Variants in SMOX observed in about 807,000 individuals in gnomAD.
SMOX encodes spermine oxidase, also known as flavin containing amine oxidase.
A neutral mutation model predicts 51.0 loss-of-function variants in SMOX; 22 were observed. The ratio of observed to expected loss-of-function variants is 0.43; its 90% CI spans 0.31 to 0.62. SMOX has a LOEUF of 0.62. Ranked by LOEUF, SMOX falls within the 20% of genes least tolerant of loss-of-function variation. The probability of loss-of-function intolerance (pLI) is 0.10; values close to 1 mark genes in which losing one functional copy is unlikely to be tolerated. For synonymous variants in SMOX, 282 were observed against 307.8 expected (o/e 0.92, Z 0.88); for missense variants, 566 against 777.7 (o/e 0.73, Z 3.24).
In SMOX at chr20:4,182,269, A is replaced by G; in HGVS notation, c.790A>G (p.Ile264Val). 6.2e-7 allele frequency: 1 copy of G among 1,613,318 alleles called. No homozygotes were observed. Residue 264 changes from isoleucine to valine, a missense_variant, in exon 5 of 7, where the codon ATT becomes GTT. Transcript: ENST00000305958. The surrounding 1 kb of genome is among the most constrained non-coding windows in gnomAD (Gnocchi z 8.4). The stretch of plus-strand genomic sequence containing the variant: ...CCAGCTAGGGAAACCTGTCCGCTGC[A>G]TTCACTGGGACCAGGCCTCAGCCCG... Reference protein sequence around the residue: ...VIQLGKPVRCIHWDQASARPR... With the variant: ...VIQLGKPVRCVHWDQASARPR...
chr20:4,157,238 GGTT>G (rs1229738277), intron 1 of SMOX, among the ~76,000 whole-genome samples: 1 of 152,118 alleles, frequency 6.6e-6, no homozygotes, highest in Non-Finnish European at 1.5e-5. Context: ...AGGGTGGCTG[GGTT>G]GTTGTGACAC....
In SMOX at chr20:4,182,038, C is replaced by T. The variant is rs1425450160; in HGVS notation, c.610-51C>T. 1.9e-6 allele frequency: 3 copies of T among 1,592,734 alleles called. No individual in the cohort carries two copies. The highest frequency in any genetic ancestry group is 2.7e-5 in the African/African-American group (2 of 74,516). On this transcript the variant is annotated intron_variant, in intron 4 of 6. Transcript: ENST00000305958. The surrounding 1 kb of genome is among the most constrained non-coding windows in gnomAD (Gnocchi z 8.4). ...TCTGAGGAGGGCTACGCTGCTCCTA[C>T]CCCTGCCCAACCCCGGCGGTCACCT...
intron 3 of SMOX, among the ~76,000 whole-genome samples, chr20:4,178,677 T>C (rs980173032): frequency 1.3e-4 from 13 of 102,418 alleles, no homozygotes; most frequent in Non-Finnish European, 1.9e-4. Context: ...CTTTTCTTTC[T>C]TTCTTTCTTT....
At chr20:4,175,363 A>G in intron 2 of SMOX, 100 bp downstream of exon 2, 1 of 1,365,192 alleles carries the variant, frequency 7.3e-7, no homozygotes, top group South Asian at 1.4e-5. Flanking sequence ...CTTCTGGGAT[A>G]AATGTTCCAT....
At position 4,175,144 on chromosome 20, in the gene SMOX, T is replaced by C; in HGVS notation, c.89T>C (p.Ile30Thr). Residue 30 changes from isoleucine (I) to threonine (T), a missense_variant, in exon 2 of 7, where the codon ATC (isoleucine) becomes ACC (threonine). Around this residue, in one of 3 missense-constraint regions of SMOX, gnomAD observed 217 missense variants for 278.4 expected, o/e 0.78. Coordinates refer to ENST00000305958, the MANE Select transcript of SMOX (RefSeq NM_175839.3). ...RRRGQPRVVV[I>T]GAGLAGLAAA... Reference sequence around the variant, plus strand: ...AGGGGACAGCCTCGTGTGGTGGTGATCGGCGCCGGCTTGGCTGGCCTGGCT... The same window carrying C: ...AGGGGACAGCCTCGTGTGGTGGTGACCGGCGCCGGCTTGGCTGGCCTGGCT... The C allele has an allele frequency of 6.2e-7, 1 of 1,614,196 alleles. No homozygotes were observed. Among genetic ancestry groups the C allele is most frequent in the Non-Finnish European group, 8.5e-7 (1 of 1,180,046 alleles).
chr20:4,162,154 G>A (rs1192924432), intron 1 of SMOX, among the ~76,000 whole-genome samples: 4 of 152,244 alleles, frequency 2.6e-5, no homozygotes, highest in African/African-American at 9.6e-5. Context: ...CCCAGGAAGC[G>A]CAGGGCGGCC....
intron 3 of SMOX, among the ~76,000 whole-genome samples, chr20:4,180,249 G>A (rs568262811): frequency 6.6e-6 from 1 of 152,328 alleles, no homozygotes; most frequent in South Asian, 2.1e-4. Context: ...AGTCTCCAGA[G>A]ATAAGTTTAA....
At chr20:4,169,907 G>A (rs1487917802) in intron 1 of SMOX, among the ~76,000 whole-genome samples, 1 of 152,038 alleles carries the variant, frequency 6.6e-6, no homozygotes, top group Non-Finnish European at 1.5e-5. Flanking sequence ...CCAGACTTTT[G>A]GTGAAGTTGG....
chr20:4,179,488 T>A (rs931537685), intron 3 of SMOX, among the ~76,000 whole-genome samples: 6 of 152,230 alleles, frequency 3.9e-5, no homozygotes, highest in African/African-American at 1.4e-4. Context: ...TAGAGGCCAT[T>A]CTGAGGAGGG....
intron 1 of SMOX, among the ~76,000 whole-genome samples, chr20:4,151,269 C>CCCAAA (rs1985744423): frequency 6.6e-6 from 1 of 152,008 alleles, no homozygotes. Flanking sequence ...GGCTACCTGC[C>CCCAAA]CCAAGCCAAG....
Position 4,177,510 on chromosome 20 carries a change from A to G in SMOX, c.368A>G (p.Tyr123Cys). Residue 123 changes from tyrosine to cysteine, a missense_variant, in exon 3 of 7, where the codon TAC becomes TGC. Physicochemically the swap from Tyr to Cys is radical, Grantham distance 194 (BLOSUM62 -2). Coordinates refer to ENST00000305958, the MANE Select transcript of SMOX (RefSeq NM_175839.3). This position sits in a 1 kb window ranked among gnomAD's most constrained non-coding sequence, Gnocchi z 4.3. Reference protein sequence around the residue: ...SLYSKNGVACYLTNHGRRIPK... With the variant: ...SLYSKNGVACCLTNHGRRIPK... ...TATTCCAAGAATGGCGTGGCCTGCT[A>G]CCTTACCAACCACGGCCGCAGGATC... 2 of 1,593,722 alleles carry G rather than the reference A, an allele frequency of 1.3e-6. No homozygotes were observed. The highest frequency in any genetic ancestry group is 1.1e-5 in the South Asian group (1 of 87,910).
chr20:4,183,614 T>G lies in SMOX; in HGVS notation c.1490T>G (p.Leu497Arg), dbSNP rs1227412872. The change falls in exon 6 of 7, where the codon CTG (leucine) becomes CGG (arginine). Residue 497 changes from leucine (L) to arginine (R), a missense_variant. Leu to Arg is a moderately radical substitution (Grantham distance 102). This residue lies in a region of SMOX where 347 missense variants were observed against 481.8 expected (regional missense o/e 0.72). Transcript: ENST00000305958. This position sits in a 1 kb window ranked among gnomAD's most constrained non-coding sequence, Gnocchi z 4.3. The part of the protein sequence containing the change: ...VGSSGADVEK[L>R]AKPLPYTESS... The stretch of plus-strand genomic sequence containing the variant: ...TCCAGCGGGGCGGATGTGGAGAAGC[T>G]GGCCAAGCCCCTGCCGTACACAGAG... 1 of 1,602,310 alleles carries G rather than the reference T, an allele frequency of 6.2e-7. No individual in the cohort carries two copies. The highest frequency in any genetic ancestry group is 1.7e-5 in the Admixed American group (1 of 59,228).
At chr20:4,158,109 C>T (rs1425647155) in intron 1 of SMOX, among the ~76,000 whole-genome samples, 1 of 150,210 alleles carries the variant, frequency 6.7e-6, no homozygotes, top group Non-Finnish European at 1.5e-5. Context: ...ACCTTGTTAG[C>T]CAGGATGGTC....
At chr20:4,173,617 A>G (rs1351540555) in intron 1 of SMOX, among the ~76,000 whole-genome samples, 1 of 152,004 alleles carries the variant, frequency 6.6e-6, no homozygotes, top group Non-Finnish European at 1.5e-5. Flanking sequence ...ATGTCATGGG[A>G]ACAGTTATGC....
At chr20:4,163,378 T>A (rs1380501912) in intron 1 of SMOX, among the ~76,000 whole-genome samples, 1 of 152,180 alleles carries the variant, frequency 6.6e-6, no homozygotes, top group African/African-American at 2.4e-5. Flanking sequence ...CCTGCCCACT[T>A]CATCCTAGCT....
chr20:4,156,752 CT>C (rs919005498), intron 1 of SMOX, among the ~76,000 whole-genome samples: 4 of 151,938 alleles, frequency 2.6e-5, no homozygotes, highest in Non-Finnish European at 5.9e-5. Context: ...GATTCTTTTT[CT>C]TTTTTTTGAG....
chr20:4,161,986 C>T (rs749844883), intron 1 of SMOX, among the ~76,000 whole-genome samples: 2 of 152,136 alleles, frequency 1.3e-5, no homozygotes, highest in African/African-American at 4.8e-5. Flanking sequence ...CCACTCACGG[C>T]GGCAGCCACC....
At position 4,183,216 on chromosome 20, in the gene SMOX, G is replaced by T. The variant is rs188057120; in HGVS notation, c.1370-278G>T. The T allele has an allele frequency of 2.1e-5, 12 of 572,310 alleles. No homozygotes were observed. In the African/African-American group the frequency reaches 2.3e-4, roughly 11 times the overall value. The allele number at this position is 572,310 out of a possible 1,614,324, so 35.5% of individuals were successfully genotyped here. ...CCAGGAGGACCTCACGAGAACCCCC[G>T]ATATTAGGCGGGGAAACATGATTAT... On this transcript the variant is annotated intron_variant, in intron 5 of 6. Coordinates refer to ENST00000305958, the MANE Select transcript of SMOX (RefSeq NM_175839.3). The surrounding 1 kb of genome is among the most constrained non-coding windows in gnomAD (Gnocchi z 4.3).
At chr20:4,186,671 T>A (rs1979758502) in intron 6 of SMOX, 2 of 756,554 alleles carry the variant, frequency 2.6e-6, no homozygotes, top group Non-Finnish European at 4.9e-6. Context: ...TTTCGGCGCC[T>A]TGTGCAAACA....
Sources: allele counts gnomAD v4.1 joint callset (sites outside exome capture counted in the v4.1 genomes callset), GRCh38; gene constraint gnomAD v4.1.1; regional missense constraint gnomAD v4.1.1; non-coding constraint Gnocchi (gnomAD v3.1); transcripts MANE v1.5; gene names NCBI Gene and HGNC (gene_info 2026-07-23, HGNC 2026-07-21).